PPIP5K1: variants seen among roughly 807,000 people sequenced by gnomAD.
PPIP5K1 encodes the protein inositol hexakisphosphate and diphosphoinositol-pentakisphosphate kinase 1.
Under a neutral mutation model 27.7 loss-of-function variants are expected in PPIP5K1, and 6 were observed. The observed-to-expected ratio is 0.22, with a 90% CI of 0.12 to 0.43. PPIP5K1 has a LOEUF of 0.43. PPIP5K1 is among the 20% of genes least tolerant of loss of function. PPIP5K1 has a pLI of 1.00. For synonymous variants in PPIP5K1, 145 were observed against 242.6 expected, an observed-to-expected ratio of 0.60 and a Z score of 3.74; for missense variants, 394 against 635.4, an observed-to-expected ratio of 0.62 and a Z score of 4.08.
intron 31 of PPIP5K1, chr15:43,536,290 C>T: frequency 3.1e-6 from 1 of 321,288 alleles, no homozygotes; most frequent in Non-Finnish European, 6.0e-6. Context: ...GTAGTGGCGG[C>T]TGTCTGTAAT....
chr15:43,542,310 G>T (rs981505353), intron 30 of PPIP5K1, among the ~76,000 whole-genome samples: 3 of 151,456 alleles, frequency 2.0e-5, no homozygotes, highest in East Asian at 1.9e-4. Context: ...GCGGGGGGGG[G>T]GGGCAGAGTC....
intron 30 of PPIP5K1, among the ~76,000 whole-genome samples, chr15:43,555,010 A>T (rs1224049554): frequency 6.6e-6 from 1 of 151,354 alleles, no homozygotes; most frequent in Non-Finnish European, 1.5e-5. Flanking sequence ...TGATTTGTGT[A>T]TTTTTTAGTA....
chr15:43,547,816 C>T (rs752897824), intron 30 of PPIP5K1, among the ~76,000 whole-genome samples: 1 of 152,128 alleles, frequency 6.6e-6, no homozygotes, highest in African/African-American at 2.4e-5. Context: ...TTTCAAGATT[C>T]TTTTGGCTGT....
At chr15:43,535,500 A>C (rs769475552) in intron 31 of PPIP5K1, 24 bp from the exon 32 acceptor site, 1 of 1,520,898 alleles carries the variant, frequency 6.6e-7, no homozygotes, top group Non-Finnish European at 8.8e-7. Flanking sequence ...TCAAGAGATC[A>C]AGTTAGAGAA....
At chr15:43,550,503 C>G (rs2082058941) in intron 30 of PPIP5K1, among the ~76,000 whole-genome samples, 1 of 152,110 alleles carries the variant, frequency 6.6e-6, no homozygotes, top group Non-Finnish European at 1.5e-5. Context: ...TTAATAGCCG[C>G]TTTTTTATTG....
intron 30 of PPIP5K1, 111 bp downstream of exon 30, chr15:43,558,684 T>A: frequency 1.4e-6 from 2 of 1,416,422 alleles, no homozygotes; most frequent in Non-Finnish European, 1.9e-6. Context: ...AAGTGTACTT[T>A]TGTGTCTTTG....
intron 30 of PPIP5K1, 101 bp downstream of exon 30, chr15:43,558,694 G>T (rs1450688917): frequency 6.8e-7 from 1 of 1,477,210 alleles, no homozygotes; most frequent in Non-Finnish European, 9.2e-7. Flanking sequence ...TTGTGTCTTT[G>T]TGGATTGCCT....
At chr15:43,535,536 G>T in intron 31 of PPIP5K1, 60 bp from the exon 32 acceptor site, 1 of 1,326,800 alleles carries the variant, frequency 7.5e-7, no homozygotes, top group Non-Finnish European at 1.0e-6. Flanking sequence ...TCTACCCTGT[G>T]CAGATAGTTC....
intron 30 of PPIP5K1, among the ~76,000 whole-genome samples, chr15:43,545,173 G>A (rs994526987): frequency 2.0e-5 from 3 of 147,848 alleles, no homozygotes; most frequent in South Asian, 2.1e-4. Flanking sequence ...GCAAGAGTCC[G>A]TCTCATAAAA....
chr15:43,554,773 C>T (rs1186547337), intron 30 of PPIP5K1, among the ~76,000 whole-genome samples: 2 of 151,778 alleles, frequency 1.3e-5, no homozygotes, highest in African/African-American at 2.4e-5. Flanking sequence ...TTAGACTTTT[C>T]ATTTGTTTAT....
chr15:43,550,337 T>A (rs1345662572), intron 30 of PPIP5K1, among the ~76,000 whole-genome samples: 2 of 151,614 alleles, frequency 1.3e-5, no homozygotes, highest in Non-Finnish European at 2.9e-5. Context: ...GTAGAGAGAG[T>A]GTCTCCCTAT....
intron 30 of PPIP5K1, among the ~76,000 whole-genome samples, chr15:43,557,264 T>C (rs1178416428): frequency 6.6e-6 from 1 of 152,044 alleles, no homozygotes; most frequent in Admixed American, 6.6e-5. Context: ...CTGGGCAACA[T>C]GGCAAAACCC....
At position 43,554,841 on chromosome 15, in the gene PPIP5K1, A is replaced by AT. The variant is rs1042654726; in HGVS notation, c.3556+3953dup. Among the ~76,000 whole-genome samples, 43 of 148,744 alleles carry AT rather than the reference A, an allele frequency of 2.9e-4. No individual in the cohort carries two copies. The East Asian group carries it at 5.1e-3, about 18-fold the overall frequency. ...ATTGACATTGTTAGAGTAAATAATAATTTTTTTTTTTCAGATGGAGTTTCT... is the reference window on the plus strand; with the variant it reads ...ATTGACATTGTTAGAGTAAATAATAATTTTTTTTTTTTCAGATGGAGTTTCT... On this transcript the variant is annotated intron_variant, in intron 30 of 31. Coordinates refer to ENST00000420765, the MANE Select transcript of PPIP5K1 (RefSeq NM_001394395.1).
At chr15:43,553,002 C>A (rs1047315631) in intron 30 of PPIP5K1, among the ~76,000 whole-genome samples, 1 of 152,166 alleles carries the variant, frequency 6.6e-6, no homozygotes, top group Non-Finnish European at 1.5e-5. Flanking sequence ...TGCCACTGCA[C>A]TCCAGCCTGG....
intron 30 of PPIP5K1, among the ~76,000 whole-genome samples, chr15:43,543,730 T>A (rs1416765991): frequency 6.6e-6 from 1 of 151,798 alleles, no homozygotes; most frequent in Non-Finnish European, 1.5e-5. Context: ...CTAATTTATC[T>A]TACTTTGAAA....
At chr15:43,535,541 T>G in intron 31 of PPIP5K1, 65 bp from the exon 32 acceptor site, 1 of 1,289,694 alleles carries the variant, frequency 7.8e-7, no homozygotes, top group Non-Finnish European at 1.1e-6. Context: ...CCTGTGCAGA[T>G]AGTTCAAATG....
At chr15:43,547,640 C>T (rs2081542420) in intron 30 of PPIP5K1, among the ~76,000 whole-genome samples, 1 of 152,192 alleles carries the variant, frequency 6.6e-6, no homozygotes, top group Non-Finnish European at 1.5e-5. Context: ...GTTTTGACAT[C>T]CTTGTTGAAA....
Position 43,534,073 on chromosome 15 carries a change from G to A in PPIP5K1, c.*601C>T, listed in dbSNP as rs951156670. On this transcript the variant is annotated 3_prime_UTR_variant, in exon 32 of 32. Coordinates refer to ENST00000420765, the MANE Select transcript of PPIP5K1 (RefSeq NM_001394395.1). ...TCCAGACATTTCAGATAGCCATCCC[G>A]GGCTCACCTGAGGAGTGCTGGCAAA... 4 of 152,420 alleles carry A rather than the reference G, an allele frequency of 2.6e-5. No homozygotes were observed. Among genetic ancestry groups the A allele is most frequent in the South Asian group, 2.1e-4 (1 of 4,824 alleles). 9.4% of individuals were successfully genotyped at this position (152,420 alleles called of 1,614,324 possible).
At chr15:43,552,500 T>C (rs184024799) in intron 30 of PPIP5K1, among the ~76,000 whole-genome samples, 1 of 134,520 alleles carries the variant, frequency 7.4e-6, no homozygotes, top group Admixed American at 8.2e-5. Flanking sequence ...GAGCTCAGCC[T>C]GGGCAACATG....
Sources: allele counts gnomAD v4.1 joint callset (sites outside exome capture counted in the v4.1 genomes callset), GRCh38; gene constraint gnomAD v4.1.1; transcripts MANE v1.5; gene names NCBI Gene and HGNC (gene_info 2026-07-23, HGNC 2026-07-21).